Variants in GRIK3 observed in about 807,000 individuals in gnomAD.
GRIK3 encodes glutamate receptor ionotropic, kainate 3.
Under a neutral mutation model 102.5 loss-of-function variants are expected in GRIK3, and 29 were observed. The ratio of observed to expected loss-of-function variants is 0.28; its 90% CI spans 0.21 to 0.39. The LOEUF is 0.39. Among genes scored for constraint, GRIK3 ranks in the 10% least tolerant of loss-of-function variants. The pLI is 1.00. For missense variants in GRIK3, 908 were observed against 1,252.4 expected, an observed-to-expected ratio of 0.73 and a Z score of 4.15; for synonymous variants, 511 against 504.9, an observed-to-expected ratio of 1.01 and a Z score of -0.16.
intron 1 of GRIK3, among the ~76,000 whole-genome samples, chr1:36,936,135 C>A (rs1248989004): frequency 1.3e-5 from 2 of 152,182 alleles, no homozygotes; most frequent in Non-Finnish European, 2.9e-5. Flanking sequence ...GCATCATCCT[C>A]AGACTGAAGA....
At chr1:36,909,606 T>G (rs560902306) in intron 1 of GRIK3, among the ~76,000 whole-genome samples, 3 of 152,250 alleles carry the variant, frequency 2.0e-5, no homozygotes, top group Non-Finnish European at 4.4e-5. Context: ...CGGCCTTTTT[T>G]TCTTTTTTAT....
At chr1:36,829,388 C>T (rs1441293898) in intron 10 of GRIK3, among the ~76,000 whole-genome samples, 2 of 151,968 alleles carry the variant, frequency 1.3e-5, no homozygotes, top group South Asian at 4.2e-4. Context: ...TATTCCAACC[C>T]CATGGTTTTT....
At chr1:36,970,835 GT>G (rs761567107) in intron 1 of GRIK3, among the ~76,000 whole-genome samples, 3 of 152,194 alleles carry the variant, frequency 2.0e-5, no homozygotes, top group Non-Finnish European at 2.9e-5. Context: ...TTTGTAATTG[GT>G]TTTTCATGAC....
intron 1 of GRIK3, among the ~76,000 whole-genome samples, chr1:36,894,890 G>A (rs1295850447): frequency 6.6e-6 from 1 of 151,020 alleles, no homozygotes; most frequent in African/African-American, 2.5e-5. Flanking sequence ...ATATGCCAGA[G>A]CATTCTGTTT....
intron 7 of GRIK3, among the ~76,000 whole-genome samples, chr1:36,854,473 G>A (rs1570761635): frequency 6.6e-6 from 1 of 152,170 alleles, no homozygotes; most frequent in African/African-American, 2.4e-5. Context: ...ACAGAGAGAG[G>A]AAGGCAGAGG....
rs1420304863 is a variant in GRIK3 at position 36,891,096 on chromosome 1, C to T, written c.116G>A (p.Gly39Glu). 1 of 1,609,374 alleles carries T rather than the reference C, an allele frequency of 6.2e-7. No homozygotes were observed. Among genetic ancestry groups the T allele is most frequent in the Non-Finnish European group, 8.5e-7 (1 of 1,177,268 alleles). The change falls in exon 2 of 16, where the codon GGA becomes GAA. Residue 39 changes from glycine to glutamate, a missense_variant and splice_region_variant. By Grantham distance (98) the Gly-to-Glu change is moderately conservative (BLOSUM62 -2). This residue lies in a region of GRIK3 where 585 missense variants were observed against 824.9 expected (regional missense o/e 0.71). Coordinates refer to ENST00000373091, the MANE Select transcript of GRIK3 (RefSeq NM_000831.4). ...GCCGTCCGCATACTCGAAGATTCCT[C>T]CTGTGAAAGATGAGTAAAATTGTGT... Reference protein sequence around the residue: ...SRGMPHVIRIGGIFEYADGPN... With the variant: ...SRGMPHVIRIEGIFEYADGPN...
intron 15 of GRIK3, chr1:36,804,786 C>T: frequency 1.5e-6 from 1 of 647,990 alleles, no homozygotes; most frequent in Non-Finnish European, 2.6e-6. Flanking sequence ...TGGGGCTTGG[C>T]CTGGGGTGGG....
intron 1 of GRIK3, among the ~76,000 whole-genome samples, chr1:37,009,311 T>C (rs1208418837): frequency 6.6e-6 from 1 of 152,146 alleles, no homozygotes; most frequent in Non-Finnish European, 1.5e-5. Context: ...TCTGATGATC[T>C]CAAGAGGAAG....
intron 1 of GRIK3, among the ~76,000 whole-genome samples, chr1:36,910,257 G>T (rs576000253): frequency 6.6e-6 from 1 of 152,248 alleles, no homozygotes; most frequent in Admixed American, 6.5e-5. Flanking sequence ...TGTCCTCAGG[G>T]GCCTGAGCCC....
At position 37,002,021 on chromosome 1, in the gene GRIK3, T is replaced by C. The variant is rs113990681; in HGVS notation, c.115+31973A>G. On this transcript the variant is annotated intron_variant, in intron 1 of 15. Coordinates refer to ENST00000373091, the MANE Select transcript of GRIK3 (RefSeq NM_000831.4). ...TCTGCCCCTTCCAGCAGGATGTTCC[T>C]GAAGCCAGAAAAATGCTCTCAGAGA... Among the ~76,000 whole-genome samples, 1,485 of 152,252 alleles carry C rather than the reference T, an allele frequency of 9.8e-3. 18 individuals carry two copies. Among genetic ancestry groups the C allele is most frequent in the Non-Finnish European group, 0.014 (955 of 68,020 alleles).
intron 7 of GRIK3, 61 bp downstream of exon 7, chr1:36,859,047 C>A (rs528158364): frequency 8.5e-6 from 12 of 1,407,642 alleles, no homozygotes; most frequent in South Asian, 1.3e-5. Flanking sequence ...GACCACTCTG[C>A]TGCTCTACAG....
rs188397338 is a variant in GRIK3 at position 36,880,515 on chromosome 1, G to T, written c.550+119C>A. 2.6e-4 allele frequency: 260 copies of T among 990,428 alleles called. 1 individual carries two copies. The highest frequency in any genetic ancestry group is 3.8e-4 in the Admixed American group (21 of 54,592). 61.4% of individuals were successfully genotyped at this position (990,428 alleles called of 1,614,324 possible). The stretch of plus-strand genomic sequence containing the variant: ...ATCAGCATAACCGAGTGGAACTGGG[G>T]TATGGAACACAGCCTCTTCCCCCAG... On this transcript the variant is annotated intron_variant, in intron 3 of 15. Coordinates refer to ENST00000373091, the MANE Select transcript of GRIK3 (RefSeq NM_000831.4). The surrounding 1 kb of genome is among the most constrained non-coding windows in gnomAD (Gnocchi z 5.4).
intron 1 of GRIK3, among the ~76,000 whole-genome samples, chr1:36,989,282 G>A (rs1642339908): frequency 6.6e-6 from 1 of 152,214 alleles, no homozygotes; most frequent in African/African-American, 2.4e-5. Context: ...AGCACGTAAA[G>A]GCCAAATGAG....
At chr1:36,962,436 CA>C (rs1161830577) in intron 1 of GRIK3, among the ~76,000 whole-genome samples, 1 of 152,006 alleles carries the variant, frequency 6.6e-6, no homozygotes, top group Non-Finnish European at 1.5e-5. Context: ...ATCTCAGCCC[CA>C]CGCCGCTTTT....
Position 36,799,810 on chromosome 1 carries a change from C to A in GRIK3, c.*2041G>T, listed in dbSNP as rs1408593687. 1.3e-5 allele frequency: 2 copies of A among 152,156 alleles called. No individual in the cohort carries two copies. Among genetic ancestry groups the A allele is most frequent in the Non-Finnish European group, 2.9e-5 (2 of 68,042 alleles). The allele number at this position is 152,156 out of a possible 1,614,324, so 9.4% of individuals were successfully genotyped here. A position where few individuals can be genotyped will look rare whatever the true frequency, so the allele number is the denominator to read the frequency against. ...TGCACACATCAGATCCCCAAGGATT[C>A]ACCTATTATTGCATGCCCTGGACTA... On this transcript the variant is annotated 3_prime_UTR_variant, in exon 16 of 16. Transcript: ENST00000373091.
intron 1 of GRIK3, among the ~76,000 whole-genome samples, chr1:36,972,948 C>T (rs1642159775): frequency 1.3e-5 from 2 of 152,180 alleles, no homozygotes; most frequent in Non-Finnish European, 2.9e-5. Flanking sequence ...ATCATCATCA[C>T]CATCAGTTCT....
intron 10 of GRIK3, among the ~76,000 whole-genome samples, chr1:36,840,658 T>C (rs982654672): frequency 1.3e-5 from 2 of 152,062 alleles, no homozygotes; most frequent in African/African-American, 4.8e-5. Flanking sequence ...GCCCAGGAGT[T>C]TGAGGCTACA....
At chr1:36,998,960 T>C (rs1280932287) in intron 1 of GRIK3, among the ~76,000 whole-genome samples, 1 of 151,382 alleles carries the variant, frequency 6.6e-6, no homozygotes, top group African/African-American at 2.4e-5. Context: ...TGCCCTACCC[T>C]ACTCTGCAGA....
intron 3 of GRIK3, among the ~76,000 whole-genome samples, chr1:36,874,749 G>A (rs1277993432): frequency 6.6e-6 from 1 of 152,232 alleles, no homozygotes; most frequent in Non-Finnish European, 1.5e-5. Flanking sequence ...CAGGCTATGA[G>A]GACTGGGACA....
Sources: allele counts gnomAD v4.1 joint callset (sites outside exome capture counted in the v4.1 genomes callset), GRCh38; gene constraint gnomAD v4.1.1; regional missense constraint gnomAD v4.1.1; non-coding constraint Gnocchi (gnomAD v3.1); transcripts MANE v1.5; gene names NCBI Gene and HGNC (gene_info 2026-07-23, HGNC 2026-07-21).